Variants in FRY observed in about 807,000 individuals in gnomAD.
FRY encodes FRY microtubule binding protein.
In FRY, 128 loss-of-function variants were observed where a neutral mutation model predicts 348.4. The observed-to-expected ratio is 0.37, with a 90% confidence interval of 0.32 to 0.43. FRY has a LOEUF of 0.43. Among genes scored for constraint, FRY ranks in the 20% least tolerant of loss-of-function variants. The probability of loss-of-function intolerance (pLI) is 1.00; values close to 1 mark genes in which losing one functional copy is unlikely to be tolerated. For synonymous variants in FRY, 1,370 were observed against 1,374.7 expected (o/e 1.00, Z 0.08); for missense variants, 2,736 against 3,695.2 (o/e 0.74, Z 6.73).
Position 32,285,811 on chromosome 13 carries a change from G to C in FRY, c.8470-3822G>C, listed in dbSNP as rs113509538. Among the ~76,000 whole-genome samples the C allele has an allele frequency of 1.9e-3, 285 of 152,258 alleles. 3 individuals carry two copies. The highest frequency in any genetic ancestry group is 6.6e-3 in the African/African-American group (275 of 41,540). ...AAGTCTTCGCACTGGAAATTCTGCGGCTATATAGACTTAAGACTCTCCCTG... is the reference window on the plus strand; with the variant it reads ...AAGTCTTCGCACTGGAAATTCTGCGCCTATATAGACTTAAGACTCTCCCTG... On this transcript the variant is annotated intron_variant, in intron 58 of 60. Coordinates refer to ENST00000542859, the MANE Select transcript of FRY (RefSeq NM_023037.3).
intron 16 of FRY, among the ~76,000 whole-genome samples, chr13:32,158,080 C>G (rs1244794158): frequency 6.6e-6 from 1 of 152,134 alleles, no homozygotes; most frequent in African/African-American, 2.4e-5. Flanking sequence ...TCATTTTCAA[C>G]TGCAAATATA....
intron 1 of FRY, among the ~76,000 whole-genome samples, chr13:32,070,832 T>C (rs1428826437): frequency 6.6e-6 from 1 of 152,236 alleles, no homozygotes; most frequent in Non-Finnish European, 1.5e-5. Flanking sequence ...TTCTAGGGTT[T>C]TTATGGTTTT....
At chr13:32,156,882 A>T (rs1490470007) in intron 15 of FRY, among the ~76,000 whole-genome samples, 1 of 152,184 alleles carries the variant, frequency 6.6e-6, no homozygotes, top group Admixed American at 6.5e-5. Flanking sequence ...ATATGGAGTT[A>T]TTAAAGTCCT....
At chr13:32,163,708 G>A (rs1459668120) in intron 17 of FRY, among the ~76,000 whole-genome samples, 1 of 152,038 alleles carries the variant, frequency 6.6e-6, no homozygotes, top group East Asian at 1.9e-4. Flanking sequence ...TCCTACCTCT[G>A]GAATCACCTT....
chr13:32,275,202 C>T, intron 56 of FRY: 1 of 396,334 alleles, frequency 2.5e-6, no homozygotes, highest in East Asian at 4.3e-5. Context: ...CACGGTGAAA[C>T]CCCGTATCTA....
At chr13:32,158,505 A>G (rs1158629615) in intron 16 of FRY, among the ~76,000 whole-genome samples, 1 of 152,238 alleles carries the variant, frequency 6.6e-6, no homozygotes, top group African/African-American at 2.4e-5. Context: ...TAAAAATATT[A>G]TCTACAGTTC....
intron 58 of FRY, among the ~76,000 whole-genome samples, chr13:32,287,097 G>A (rs566406664): frequency 4.0e-5 from 6 of 151,766 alleles, no homozygotes; most frequent in South Asian, 2.1e-4. Context: ...CCCAGGAGGC[G>A]GAGGTTGCAA....
intron 21 of FRY, 67 bp downstream of exon 21, chr13:32,178,503 G>T (rs572094457): frequency 1.7e-5 from 26 of 1,533,792 alleles, no homozygotes; most frequent in Admixed American, 3.5e-5. Context: ...TTTTCATTTT[G>T]TGTAAGAGAT....
intron 26 of FRY, 111 bp downstream of exon 26, chr13:32,185,259 G>A: frequency 2.2e-6 from 2 of 904,884 alleles, no homozygotes; most frequent in Non-Finnish European, 3.6e-6. Flanking sequence ...GGTCTGGGAT[G>A]GTGAAGTTTA....
At chr13:32,113,668 C>T (rs1028887342) in intron 3 of FRY, among the ~76,000 whole-genome samples, 1 of 152,226 alleles carries the variant, frequency 6.6e-6, no homozygotes, top group Non-Finnish European at 1.5e-5. Context: ...AATGGGCCTG[C>T]CCTCTTTCAT....
intron 39 of FRY, among the ~76,000 whole-genome samples, 166 bp from the exon 40 acceptor site, chr13:32,228,290 G>C (rs1412899671): frequency 1.3e-5 from 2 of 152,106 alleles, no homozygotes; most frequent in East Asian, 3.8e-4. Context: ...CCTAAACAAA[G>C]AAAAACTGTC....
Position 32,237,338 on chromosome 13 carries a change from C to T in FRY, c.5811-41C>T. The T allele has an allele frequency of 1.2e-6, 2 of 1,607,334 alleles. No individual in the cohort carries two copies. Among genetic ancestry groups the T allele is most frequent in the Non-Finnish European group, 1.7e-6 (2 of 1,177,600 alleles). ...TTGAAAGGACTGGCTTTTGGTGACA[C>T]ATGTTGGCATCCTATTAAACTTATT... On this transcript the variant is annotated intron_variant, in intron 43 of 60. Coordinates refer to ENST00000542859, the MANE Select transcript of FRY (RefSeq NM_023037.3). The surrounding 1 kb of genome is among the most constrained non-coding windows in gnomAD (Gnocchi z 6.3).
At chr13:32,113,701 A>G (rs1387495535) in intron 3 of FRY, among the ~76,000 whole-genome samples, 1 of 152,208 alleles carries the variant, frequency 6.6e-6, no homozygotes, top group Non-Finnish European at 1.5e-5. Context: ...GCTAGAATTC[A>G]TCTTACCATT....
chr13:32,184,946 A>G (rs1882940299), intron 25 of FRY, 30 bp from the exon 26 acceptor site: 1 of 1,590,158 alleles, frequency 6.3e-7, no homozygotes, highest in East Asian at 2.2e-5. Context: ...AAGACTGATC[A>G]TCTAAAAGTT....
chr13:32,179,653 A>G (rs1449321190), intron 22 of FRY, 22 bp from the exon 23 acceptor site: 1 of 1,613,196 alleles, frequency 6.2e-7, no homozygotes, highest in African/African-American at 1.3e-5. Context: ...CCTCTTTTTC[A>G]CTTGTATTCA....
chr13:32,161,244 C>G lies in FRY; in HGVS notation c.1885C>G (p.Leu629Val). The G allele has an allele frequency of 1.9e-6, 3 of 1,589,606 alleles. No individual in the cohort carries two copies. The highest frequency in any genetic ancestry group is 2.6e-6 in the Non-Finnish European group (3 of 1,157,836). ...GTCAAAACTTGAACTTATTGACTTA[C>G]TGGCTAGGTAGGTGAGAATATTATT... is the stretch of plus-strand genomic sequence containing the variant. Reference protein sequence around the residue: ...GMSKLELIDLLARLSIHMDDE... With the variant: ...GMSKLELIDLVARLSIHMDDE... Residue 629 changes from leucine to valine, a missense_variant, in exon 17 of 61, where the codon CTG becomes GTG. Physicochemically the swap from Leu to Val is conservative, Grantham distance 32 (BLOSUM62 1). Transcript: ENST00000542859.
intron 49 of FRY, among the ~76,000 whole-genome samples, chr13:32,250,659 G>A (rs567630760): frequency 6.6e-6 from 1 of 152,286 alleles, no homozygotes; most frequent in South Asian, 2.1e-4. Flanking sequence ...GAGCCTTTCC[G>A]AGATAAAAAG....
Position 32,247,412 on chromosome 13 carries a change from C to A in FRY, c.6918C>A (p.Asp2306Glu), listed in dbSNP as rs1339117049. 1 of 1,612,920 alleles carries A rather than the reference C, an allele frequency of 6.2e-7. No individual in the cohort carries two copies. Among genetic ancestry groups the A allele is most frequent in the Admixed American group, 1.7e-5 (1 of 60,022 alleles). Residue 2306 changes from aspartate to glutamate, a missense_variant, in exon 48 of 61, where the codon GAC becomes GAA. By Grantham distance (45) the Asp-to-Glu change is conservative. This residue lies in a region of FRY where 789 missense variants were observed against 996.2 expected (regional missense o/e 0.79). Transcript: ENST00000542859. ...TTTTACCTTCATACCAGCACAGTGACCTCTCAAAAATAGAAATACATCGAG... is the reference window on the plus strand; with the variant it reads ...TTTTACCTTCATACCAGCACAGTGAACTCTCAAAAATAGAAATACATCGAG... ...SLVLPSYQHS[D>E]LSKIEIHRVW...
At chr13:32,155,436 T>C in intron 14 of FRY, 55 bp from the exon 15 acceptor site, 1 of 1,255,498 alleles carries the variant, frequency 8.0e-7, no homozygotes, top group Admixed American at 1.7e-5. Context: ...TATGGATGTA[T>C]TCCACTACAA....
Sources: allele counts gnomAD v4.1 joint callset (sites outside exome capture counted in the v4.1 genomes callset), GRCh38; gene constraint gnomAD v4.1.1; regional missense constraint gnomAD v4.1.1; non-coding constraint Gnocchi (gnomAD v3.1); transcripts MANE v1.5; gene names NCBI Gene and HGNC (gene_info 2026-07-23, HGNC 2026-07-21).